SND1: variants seen among roughly 807,000 people sequenced by gnomAD.
The protein encoded by SND1 is staphylococcal nuclease domain-containing protein 1.
Under a neutral mutation model 121.7 loss-of-function variants are expected in SND1, and 38 were observed. The ratio of observed to expected loss-of-function variants is 0.31; its 90% confidence interval spans 0.24 to 0.41. The LOEUF (loss-of-function observed/expected upper bound fraction) is 0.41, where lower values mean the gene tolerates loss of function less well. Ranked by LOEUF, SND1 falls within the 10% of genes least tolerant of loss-of-function variation. SND1 has a pLI of 1.00. For missense variants in SND1, 868 were observed against 1,184.6 expected (o/e 0.73, Z 3.92); for synonymous variants, 401 against 447.4 (o/e 0.90, Z 1.31).
chr7:127,683,416 T>G (rs1057085035), intron 1 of SND1, among the ~76,000 whole-genome samples: 3 of 152,110 alleles, frequency 2.0e-5, no homozygotes, highest in African/African-American at 7.2e-5. Flanking sequence ...GAGGTCTTGC[T>G]GTGTTGTCCA....
At chr7:127,673,112 A>C (rs1371197526) in intron 1 of SND1, among the ~76,000 whole-genome samples, 2 of 148,594 alleles carry the variant, frequency 1.3e-5, no homozygotes, top group African/African-American at 2.4e-5. Context: ...CTTCGGTAGG[A>C]GATAGCTAAA....
chr7:127,760,614 G>A (rs546164672), intron 10 of SND1, among the ~76,000 whole-genome samples: 16 of 152,278 alleles, frequency 1.1e-4, no homozygotes, highest in African/African-American at 3.6e-4. Context: ...GATTAGTTAT[G>A]AAGTTAATGT....
intron 15 of SND1, among the ~76,000 whole-genome samples, chr7:127,937,779 CCTT>C (rs1391746215): frequency 1.7e-4 from 26 of 152,184 alleles, no homozygotes; most frequent in Non-Finnish European, 2.9e-5. Context: ...ACAGGAATAT[CCTT>C]CTCATCTCCT....
intron 10 of SND1, among the ~76,000 whole-genome samples, chr7:127,791,177 AC>A (rs1797904542): frequency 8.2e-6 from 1 of 122,326 alleles, no homozygotes; most frequent in Non-Finnish European, 1.6e-5. Flanking sequence ...GCAGGGTCTC[AC>A]TCTGTCCCCA....
At chr7:127,928,835 C>G (rs1428927556) in intron 14 of SND1, among the ~76,000 whole-genome samples, 2 of 152,192 alleles carry the variant, frequency 1.3e-5, no homozygotes, top group Non-Finnish European at 2.9e-5. Flanking sequence ...AGGTGATCCA[C>G]CCGCCTCAGC....
chr7:128,024,441 T>C lies in SND1; in HGVS notation c.1779+33385T>C, dbSNP rs182856412. ...CTGCTGCTTTGTTGCAGTGAAATGA[T>C]GGAGCCTTAATTATAGGCCCTGGCC... On this transcript the variant is annotated intron_variant, in intron 16 of 23. Coordinates refer to ENST00000354725, the MANE Select transcript of SND1 (RefSeq NM_014390.4). Among the ~76,000 whole-genome samples the C allele has an allele frequency of 2.3e-4, 35 of 152,340 alleles. 1 individual carries two copies. The highest frequency in any genetic ancestry group is 3.4e-3 in the Middle Eastern group (1 of 294).
chr7:127,992,498 A>G (rs149246771), intron 16 of SND1, among the ~76,000 whole-genome samples: 67 of 152,330 alleles, frequency 4.4e-4, no homozygotes, highest in African/African-American at 1.6e-3. Context: ...AGTCTGTTCA[A>G]ATTCATAACT....
chr7:127,815,276 T>G (rs1798414593), intron 11 of SND1, among the ~76,000 whole-genome samples: 1 of 152,156 alleles, frequency 6.6e-6, no homozygotes, highest in South Asian at 2.1e-4. Context: ...AAGGTAAAAT[T>G]AAGTGATACT....
chr7:127,762,299 A>G (rs1797319111), intron 10 of SND1, among the ~76,000 whole-genome samples: 1 of 152,212 alleles, frequency 6.6e-6, no homozygotes, highest in South Asian at 2.1e-4. Context: ...CAGAGGCTGG[A>G]AGTCCAAAAT....
intron 22 of SND1, among the ~76,000 whole-genome samples, 180 bp from the exon 23 acceptor site, chr7:128,091,657 G>A (rs2117074381): frequency 6.6e-6 from 1 of 152,298 alleles, no homozygotes; most frequent in East Asian, 1.9e-4. Flanking sequence ...AAGAGTTAAG[G>A]GAAAAGCCAG....
chr7:127,972,711 C>T (rs1414764696), intron 15 of SND1, among the ~76,000 whole-genome samples: 1 of 152,174 alleles, frequency 6.6e-6, no homozygotes, highest in African/African-American at 2.4e-5. Context: ...TCCCTAGTGG[C>T]TGGGATTACA....
At chr7:127,943,611 T>G (rs1358508919) in intron 15 of SND1, among the ~76,000 whole-genome samples, 1 of 152,104 alleles carries the variant, frequency 6.6e-6, no homozygotes, top group Non-Finnish European at 1.5e-5. Flanking sequence ...GCTGTGCCTA[T>G]GAGGGCAAGT....
At chr7:128,086,912 A>G (rs778975106) in intron 20 of SND1, 26 bp from the exon 21 acceptor site, 6 of 1,570,244 alleles carry the variant, frequency 3.8e-6, no homozygotes, top group African/African-American at 1.4e-5. Flanking sequence ...AGTATGTGAC[A>G]TGTTGGCCTG....
intron 10 of SND1, among the ~76,000 whole-genome samples, chr7:127,756,354 T>TGAAA (rs1172514823): frequency 6.6e-6 from 1 of 152,238 alleles, no homozygotes; most frequent in Non-Finnish European, 1.5e-5. Flanking sequence ...GCTATGTTTA[T>TGAAA]GAAAGGAATT....
At chr7:128,043,884 AC>A (rs1478983504) in intron 16 of SND1, among the ~76,000 whole-genome samples, 9 of 149,966 alleles carry the variant, frequency 6.0e-5, no homozygotes, top group Non-Finnish European at 1.2e-4. Context: ...ACACACACAC[AC>A]ACACGTAATA....
intron 12 of SND1, among the ~76,000 whole-genome samples, chr7:127,852,125 A>C (rs935141707): frequency 2.0e-5 from 3 of 152,002 alleles, no homozygotes; most frequent in Admixed American, 1.3e-4. Context: ...GTGCCACTGC[A>C]CTCCAGCCTG....
intron 3 of SND1, among the ~76,000 whole-genome samples, chr7:127,696,328 AG>A (rs1796005787): frequency 1.3e-5 from 2 of 152,192 alleles, no homozygotes; most frequent in Non-Finnish European, 2.9e-5. Context: ...ACCTCTTTTT[AG>A]TCTCCCAGAA....
chr7:127,760,239 C>T (rs1240979187), intron 10 of SND1, among the ~76,000 whole-genome samples: 2 of 152,044 alleles, frequency 1.3e-5, no homozygotes, highest in African/African-American at 2.4e-5. Flanking sequence ...TGTGAGAGAC[C>T]GGATGAGGAA....
chr7:127,962,820 C>T lies in SND1; in HGVS notation c.1670-28127C>T, dbSNP rs2116872978. Among the ~76,000 whole-genome samples the T allele has an allele frequency of 1.3e-5, 2 of 152,308 alleles. 1 individual carries two copies. Among genetic ancestry groups the T allele is most frequent in the South Asian group, 4.1e-4 (2 of 4,826 alleles). On this transcript the variant is annotated intron_variant, in intron 15 of 23. Coordinates refer to ENST00000354725, the MANE Select transcript of SND1 (RefSeq NM_014390.4). ...GTGAGTGGCAAAACAGAGGCTTCAT[C>T]CACTGGACTTTCAGCTCTACAACTT...
Sources: allele counts gnomAD v4.1 joint callset (sites outside exome capture counted in the v4.1 genomes callset), GRCh38; gene constraint gnomAD v4.1.1; transcripts MANE v1.5; gene names NCBI Gene and HGNC (gene_info 2026-07-23, HGNC 2026-07-21).